The following TPP2 variants were observed in gnomAD, a reference collection of about 807,000 sequenced individuals.
TPP2 encodes tripeptidyl-peptidase 2.
Under a neutral mutation model 155.9 loss-of-function variants are expected in TPP2, and 34 were observed. The ratio of observed to expected loss-of-function variants is 0.22; its 90% confidence interval spans 0.17 to 0.29. The LOEUF is 0.29. Ranked by LOEUF, TPP2 falls within the 10% of genes least tolerant of loss-of-function variation. The probability of loss-of-function intolerance (pLI) is 1.00; values close to 1 mark genes in which losing one functional copy is unlikely to be tolerated. For missense variants in TPP2, 1,028 were observed against 1,522.3 expected (o/e 0.68, Z 5.40); for synonymous variants, 510 against 529.4 (o/e 0.96, Z 0.50).
chr13:102,638,315 A>C lies in TPP2; in HGVS notation c.1913A>C (p.Lys638Thr), dbSNP rs1366851723. Residue 638 changes from lysine to threonine, a missense_variant and splice_region_variant, in exon 15 of 30, where the codon AAA becomes ACA. Physicochemically the swap from Lys to Thr is moderately conservative, Grantham distance 78. Around this residue, in one of 7 missense-constraint regions of TPP2, gnomAD observed 325 missense variants for 463.7 expected, o/e 0.70. Coordinates refer to ENST00000376052, the MANE Select transcript of TPP2 (RefSeq NM_001330588.2). ...RVPITAVIAA[K>T]VNESSHYDLA... is the part of the protein sequence containing the mutation. ...CCGATCACTGCAGTTATAGCAGCAA[A>C]GTAAGTAACAGGTTACTCACAGCTT... 4.3e-6 allele frequency: 7 copies of C among 1,612,430 alleles called. No homozygotes were observed. The highest frequency in any genetic ancestry group is 5.1e-6 in the Non-Finnish European group (6 of 1,179,874).
At chr13:102,652,122 T>G (rs1460295183) in intron 24 of TPP2, among the ~76,000 whole-genome samples, 1 of 152,136 alleles carries the variant, frequency 6.6e-6, no homozygotes, top group Non-Finnish European at 1.5e-5. Flanking sequence ...ATGCCTGTAA[T>G]CCCGGCACTT....
intron 27 of TPP2, chr13:102,667,837 C>CT (rs776700714): frequency 7.7e-5 from 76 of 985,546 alleles, no homozygotes; most frequent in Non-Finnish European, 9.2e-5. Context: ...CGAGTCTGCC[C>CT]TGCAGACTCT....
At chr13:102,641,136 C>T (rs1027534849) in intron 16 of TPP2, among the ~76,000 whole-genome samples, 4 of 152,148 alleles carry the variant, frequency 2.6e-5, no homozygotes, top group African/African-American at 9.7e-5. Flanking sequence ...CTTGAATTAA[C>T]ATGTTATAGT....
intron 2 of TPP2, among the ~76,000 whole-genome samples, chr13:102,609,192 T>C (rs1294200696): frequency 6.6e-6 from 1 of 152,124 alleles, no homozygotes; most frequent in Non-Finnish European, 1.5e-5. Context: ...CTTTTCACAT[T>C]GCTATGAAGA....
Position 102,643,495 on chromosome 13 carries a change from T to A in TPP2, c.2175+119T>A, listed in dbSNP as rs910951782. The A allele has an allele frequency of 6.0e-5, 62 of 1,034,142 alleles. No individual in the cohort carries two copies. The African/African-American group carries it at 9.9e-4, about 16-fold the overall frequency. 64.1% of individuals were successfully genotyped at this position (1,034,142 alleles called of 1,614,324 possible). On this transcript the variant is annotated intron_variant, in intron 17 of 29. Transcript: ENST00000376052. ...TATTTAGCATGTTGGGATTATATATTTTTTTAATGCCAAAAAAATGAAGTA... is the reference window on the plus strand; with the variant it reads ...TATTTAGCATGTTGGGATTATATATATTTTTAATGCCAAAAAAATGAAGTA...
chr13:102,674,409 G>A lies in TPP2; in HGVS notation c.3498G>A (p.Glu1166=). Residue 1166 remains glutamate, a synonymous_variant, in exon 28 of 30, where the codon GAG becomes GAA. Transcript: ENST00000376052. ...TTTCCACTGATGCAGAAGGAAAGGA[G>A]GAGGAAGGAGAAAGTCCTTTGGATT... ...GAISTDAEGK[E]EEGESPLDSL... is the part of the protein sequence containing the mutation. 2 of 1,613,992 alleles carry A rather than the reference G, an allele frequency of 1.2e-6. No homozygotes were observed. The highest frequency in any genetic ancestry group is 4.5e-5 in the East Asian group (2 of 44,882).
chr13:102,641,625 T>G (rs750176906), intron 16 of TPP2, among the ~76,000 whole-genome samples: 1 of 152,196 alleles, frequency 6.6e-6, no homozygotes, highest in Non-Finnish European at 1.5e-5. Context: ...CATCTATCTG[T>G]ATGCTGTCCA....
intron 2 of TPP2, among the ~76,000 whole-genome samples, chr13:102,605,668 A>G (rs1458632764): frequency 5.3e-5 from 8 of 150,918 alleles, no homozygotes; most frequent in Non-Finnish European, 1.0e-4. Context: ...CTTAGGCTAT[A>G]GTAGCTGTTA....
intron 1 of TPP2, among the ~76,000 whole-genome samples, chr13:102,598,386 G>A (rs184509716): frequency 6.6e-6 from 1 of 152,136 alleles, no homozygotes; most frequent in Non-Finnish European, 1.5e-5. Context: ...GAAGTAACGA[G>A]GGGGAGTCTG....
chr13:102,646,525 G>T, intron 20 of TPP2, 135 bp downstream of exon 20: 1 of 577,180 alleles, frequency 1.7e-6, no homozygotes, highest in South Asian at 2.8e-5. Context: ...CAGTTAATTT[G>T]GAATTACTCT....
chr13:102,603,693 A>C (rs1879603503), intron 1 of TPP2, among the ~76,000 whole-genome samples: 1 of 152,178 alleles, frequency 6.6e-6, no homozygotes, highest in African/African-American at 2.4e-5. Context: ...GGCTTAAAGG[A>C]GAGGACTGAT....
chr13:102,629,714 A>G (rs1881887808), intron 9 of TPP2, 105 bp downstream of exon 9: 3 of 1,375,238 alleles, frequency 2.2e-6, no homozygotes, highest in Non-Finnish European at 2.8e-6. Context: ...GACACTGTAC[A>G]CCTTAAGTGT....
chr13:102,623,113 A>T, intron 6 of TPP2, 73 bp downstream of exon 6: 1 of 1,470,320 alleles, frequency 6.8e-7, no homozygotes, highest in East Asian at 2.3e-5. Context: ...GATAGCTCAC[A>T]GCAACCTTCT....
At chr13:102,610,234 C>CATTT (rs917713187) in intron 2 of TPP2, among the ~76,000 whole-genome samples, 2 of 151,472 alleles carry the variant, frequency 1.3e-5, no homozygotes, top group African/African-American at 4.8e-5. Flanking sequence ...TTTATTTATT[C>CATTT]ATTTATTTAT....
At position 102,627,035 on chromosome 13, in the gene TPP2, A is replaced by G. The variant is rs1419195927; in HGVS notation, c.808A>G (p.Ser270Gly). ...AGGAGCTCATGGGACACATGTAGCT[A>G]GTATAGCTGCTGGACACTTTCCAGA... is the stretch of plus-strand genomic sequence containing the variant. ...SGGAHGTHVASIAAGHFPEEP... is the reference protein window; with the variant it reads ...SGGAHGTHVAGIAAGHFPEEP... The change falls in exon 7 of 30, where the codon AGT becomes GGT. Residue 270 changes from serine to glycine, a missense_variant. Around this residue, in one of 7 missense-constraint regions of TPP2, gnomAD observed 300 missense variants for 398.3 expected, o/e 0.75. Transcript: ENST00000376052. The G allele has an allele frequency of 1.0e-5, 16 of 1,599,734 alleles. No individual in the cohort carries two copies. Among genetic ancestry groups the G allele is most frequent in the Non-Finnish European group, 1.4e-5 (16 of 1,173,650 alleles).
At chr13:102,661,544 C>A (rs759945655) in intron 25 of TPP2, among the ~76,000 whole-genome samples, 1 of 152,026 alleles carries the variant, frequency 6.6e-6, no homozygotes, top group Non-Finnish European at 1.5e-5. Context: ...CCACACCCAG[C>A]CCCCAGAATA....
At chr13:102,602,508 G>A (rs1879505100) in intron 1 of TPP2, among the ~76,000 whole-genome samples, 1 of 152,082 alleles carries the variant, frequency 6.6e-6, no homozygotes, top group South Asian at 2.1e-4. Flanking sequence ...CTGTGCCTGG[G>A]AGGCCTTTAT....
intron 25 of TPP2, among the ~76,000 whole-genome samples, chr13:102,658,961 A>G (rs1257637181): frequency 6.6e-6 from 1 of 152,188 alleles, no homozygotes; most frequent in African/African-American, 2.4e-5. Flanking sequence ...TGAGAAGACC[A>G]CAGGAGAGTG....
intron 16 of TPP2, 30 bp downstream of exon 16, chr13:102,640,406 T>A: frequency 6.5e-7 from 1 of 1,529,940 alleles, no homozygotes; most frequent in East Asian, 2.3e-5. Context: ...GTGTGACCGC[T>A]TATCTCTGTT....
Sources: gnomAD v4.1 joint callset for allele counts (sites outside exome capture counted in the v4.1 genomes callset) on GRCh38, gnomAD v4.1.1 for gene constraint, gnomAD v4.1.1 regional missense constraint, MANE v1.5 for transcripts, NCBI Gene and HGNC (gene_info 2026-07-23, HGNC 2026-07-21) for gene names.